Variants in FCHO2 observed in about 807,000 individuals in gnomAD.
FCHO2 encodes the protein FCH and mu domain containing endocytic adaptor 2.
FCHO2 carries 43 observed loss-of-function variants against 114.1 expected under a neutral mutation model. The ratio of observed to expected loss-of-function variants is 0.38; its 90% CI spans 0.30 to 0.49. The LOEUF (loss-of-function observed/expected upper bound fraction) is 0.49. Ranked by LOEUF, FCHO2 falls within the 20% of genes least tolerant of loss-of-function variation. The probability of loss-of-function intolerance (pLI) is 0.97; values close to 1 mark genes in which losing one functional copy is unlikely to be tolerated. For missense variants in FCHO2, 807 were observed against 950.4 expected (o/e 0.85, Z 1.98); for synonymous variants, 293 against 315.2 (o/e 0.93, Z 0.75).
At chr5:73,055,981 G>A in intron 15 of FCHO2, 84 bp from the exon 16 acceptor site, 4 of 875,076 alleles carry the variant, frequency 4.6e-6, no homozygotes, top group Non-Finnish European at 7.0e-6. Context: ...ATAGTGTTGA[G>A]ATATGTGTAT....
chr5:72,984,759 A>G (rs781710443), intron 2 of FCHO2, among the ~76,000 whole-genome samples: 6 of 151,988 alleles, frequency 3.9e-5, no homozygotes, highest in Non-Finnish European at 8.8e-5. Context: ...CAGCCTCCCA[A>G]GTAGCTGGGG....
intron 16 of FCHO2, among the ~76,000 whole-genome samples, chr5:73,056,865 CTCT>C (rs936493228): frequency 1.3e-5 from 2 of 151,926 alleles, no homozygotes; most frequent in Admixed American, 6.6e-5. Context: ...ATGTTGCCAG[CTCT>C]TCTTAAAAAA....
chr5:73,045,477 TA>T (rs1293066811), intron 11 of FCHO2, among the ~76,000 whole-genome samples: 1 of 152,244 alleles, frequency 6.6e-6, no homozygotes, highest in Non-Finnish European at 1.5e-5. Context: ...TTGGATGTAC[TA>T]AAGTTTGTTT....
intron 9 of FCHO2, among the ~76,000 whole-genome samples, chr5:73,036,864 T>C (rs1380290353): frequency 1.3e-5 from 2 of 152,194 alleles, no homozygotes; most frequent in East Asian, 1.9e-4. Flanking sequence ...ATGCTTATTA[T>C]GTGTAAGGTG....
At chr5:72,968,291 A>G (rs1316770705) in intron 1 of FCHO2, among the ~76,000 whole-genome samples, 1 of 152,202 alleles carries the variant, frequency 6.6e-6, no homozygotes, top group Non-Finnish European at 1.5e-5. Context: ...GTTTGTATGT[A>G]GGTATATGTA....
intron 8 of FCHO2, among the ~76,000 whole-genome samples, chr5:73,031,427 C>G (rs1025386799): frequency 6.6e-6 from 1 of 152,056 alleles, no homozygotes; most frequent in Non-Finnish European, 1.5e-5. Flanking sequence ...AAAAACTTGT[C>G]CTGTTGATGG....
intron 5 of FCHO2, among the ~76,000 whole-genome samples, chr5:72,998,360 G>T (rs898460626): frequency 6.6e-6 from 1 of 151,880 alleles, no homozygotes; most frequent in Non-Finnish European, 1.5e-5. Flanking sequence ...GGTGGCGGGC[G>T]CCTGTAGTCC....
chr5:73,013,355 A>G (rs1580102181), intron 6 of FCHO2, among the ~76,000 whole-genome samples: 1 of 152,296 alleles, frequency 6.6e-6, no homozygotes. Context: ...TAGACATTAA[A>G]TATAGGGTCA....
rs565507930 is a variant in FCHO2, at chr5:73,024,220, C to T, written c.796+6912C>T. ...GACCACAGGCATATGCCAGTACACC[C>T]CACTGATTTTTAAAAATTTTTAGTG... On this transcript the variant is annotated intron_variant, in intron 8 of 25. Coordinates refer to ENST00000430046, the MANE Select transcript of FCHO2 (RefSeq NM_138782.3). Among the ~76,000 whole-genome samples the T allele has an allele frequency of 4.7e-3, 721 of 152,088 alleles. 2 individuals are homozygous for T. Among genetic ancestry groups the T allele is most frequent in the Middle Eastern group, 0.014 (4 of 292 alleles).
intron 18 of FCHO2, among the ~76,000 whole-genome samples, chr5:73,065,537 C>A (rs1742265454): frequency 6.6e-6 from 1 of 151,880 alleles, no homozygotes; most frequent in Non-Finnish European, 1.5e-5. Flanking sequence ...TTAGTTGCCT[C>A]ATGGATAAAA....
intron 6 of FCHO2, among the ~76,000 whole-genome samples, chr5:73,009,820 C>T (rs1754911844): frequency 6.6e-6 from 1 of 152,294 alleles, no homozygotes; most frequent in East Asian, 1.9e-4. Flanking sequence ...GGATCACAGG[C>T]ACCGTGCCAG....
At chr5:73,048,745 A>G (rs1757189351) in intron 11 of FCHO2, among the ~76,000 whole-genome samples, 1 of 151,428 alleles carries the variant, frequency 6.6e-6, no homozygotes, top group African/African-American at 2.4e-5. Flanking sequence ...GTTTTGTTAC[A>G]CATTGCTGAG....
chr5:72,971,676 C>G (rs1296211469), intron 2 of FCHO2, among the ~76,000 whole-genome samples: 1 of 152,122 alleles, frequency 6.6e-6, no homozygotes, highest in African/African-American at 2.4e-5. Flanking sequence ...ATGGTAGTTT[C>G]TTTTGCTGTG....
chr5:73,083,431 T>C (rs1273913320), intron 24 of FCHO2, among the ~76,000 whole-genome samples: 1 of 152,256 alleles, frequency 6.6e-6, no homozygotes. Flanking sequence ...TATATTTACA[T>C]GCTAACATTA....
intron 8 of FCHO2, among the ~76,000 whole-genome samples, chr5:73,019,797 G>A (rs1203892042): frequency 6.6e-6 from 1 of 152,172 alleles, no homozygotes; most frequent in Non-Finnish European, 1.5e-5. Context: ...TCATTCTGGT[G>A]GTAACGGTGT....
At chr5:73,071,319 TA>T (rs200502484) in intron 19 of FCHO2, among the ~76,000 whole-genome samples, 43 of 148,894 alleles carry the variant, frequency 2.9e-4, no homozygotes, top group African/African-American at 7.9e-4. Flanking sequence ...ATATGTCAGT[TA>T]AAAAAAAAAC....
intron 11 of FCHO2, among the ~76,000 whole-genome samples, chr5:73,046,368 G>A (rs1757058405): frequency 6.6e-6 from 1 of 152,132 alleles, no homozygotes; most frequent in Non-Finnish European, 1.5e-5. Context: ...TGCCTGGCCT[G>A]TTGATGTTTT....
chr5:73,080,572 T>C (rs1414632188), intron 22 of FCHO2, among the ~76,000 whole-genome samples: 2 of 152,110 alleles, frequency 1.3e-5, no homozygotes, highest in East Asian at 1.9e-4. Context: ...GCCTGAAGAG[T>C]CTGGAAGGAT....
At chr5:72,959,142 G>T (rs548983179) in intron 1 of FCHO2, among the ~76,000 whole-genome samples, 70 of 152,178 alleles carry the variant, frequency 4.6e-4, no homozygotes, top group Non-Finnish European at 7.9e-4. Flanking sequence ...TTGGAATTGG[G>T]GCTGTGAGGA....
Sources: gnomAD v4.1 joint callset for allele counts (sites outside exome capture counted in the v4.1 genomes callset) on GRCh38, gnomAD v4.1.1 for gene constraint, MANE v1.5 for transcripts, NCBI Gene and HGNC (gene_info 2026-07-23, HGNC 2026-07-21) for gene names.